The following CACNA1C variants were observed in gnomAD, a reference collection of about 807,000 sequenced individuals.
CACNA1C encodes the protein voltage-dependent L-type calcium channel subunit alpha-1C.
Under a neutral mutation model 229.0 loss-of-function variants are expected in CACNA1C, and 30 were observed. The ratio of observed to expected loss-of-function variants is 0.13; its 90% CI spans 0.10 to 0.18. The LOEUF is 0.18. Among genes scored for constraint, CACNA1C ranks in the 10% least tolerant of loss-of-function variants. The pLI is 1.00. For synonymous variants in CACNA1C, 1,114 were observed against 1,132.5 expected (o/e 0.98, Z 0.33); for missense variants, 1,658 against 2,845.0 (o/e 0.58, Z 9.49).
chr12:2,225,766 T>A (rs975831744), intron 3 of CACNA1C, among the ~76,000 whole-genome samples: 5 of 152,184 alleles, frequency 3.3e-5, no homozygotes, highest in Non-Finnish European at 7.3e-5. Flanking sequence ...TCATTCCTCT[T>A]GTGAATATTG....
chr12:2,206,454 C>T (rs1045802720), intron 3 of CACNA1C, among the ~76,000 whole-genome samples: 3 of 152,134 alleles, frequency 2.0e-5, no homozygotes, highest in Admixed American at 1.3e-4. Context: ...TAGATTTCAC[C>T]GCTGAGTAGT....
chr12:2,581,617 G>A lies in CACNA1C; in HGVS notation c.1923G>A (p.Val641=). ...ACTGGAACTCCTTGAGCAACCTGGT[G>A]GCATCCTTGCTGAACTCTGTGCGCT... The part of the protein sequence containing the change: ...TRYWNSLSNL[V]ASLLNSVRSI... The change falls in exon 14 of 47, where the codon GTG becomes GTA. Residue 641 remains valine, a synonymous_variant. Transcript: ENST00000399655. 6.4e-7 allele frequency: 1 copy of A among 1,574,288 alleles called. No individual in the cohort carries two copies. The highest frequency in any genetic ancestry group is 8.6e-7 in the Non-Finnish European group (1 of 1,159,140).
intron 3 of CACNA1C, among the ~76,000 whole-genome samples, chr12:2,280,229 A>C (rs372369527): frequency 1.0e-5 from 1 of 100,342 alleles, no homozygotes; most frequent in African/African-American, 5.5e-5. Context: ...GCTTCGGTTT[A>C]ACCTCTTGAG....
chr12:2,151,342 C>T (rs2095242948), intron 3 of CACNA1C, among the ~76,000 whole-genome samples: 1 of 147,690 alleles, frequency 6.8e-6, no homozygotes, highest in Non-Finnish European at 1.5e-5. Context: ...GTATATACCA[C>T]TGGCTGACCA....
At chr12:2,476,845 TG>T (rs2099632032) in intron 5 of CACNA1C, among the ~76,000 whole-genome samples, 1 of 152,186 alleles carries the variant, frequency 6.6e-6, no homozygotes. Context: ...AAATCTCTAA[TG>T]AATAAGGACA....
intron 3 of CACNA1C, among the ~76,000 whole-genome samples, chr12:2,122,139 T>A (rs887230269): frequency 2.0e-5 from 3 of 152,122 alleles, no homozygotes; most frequent in East Asian, 3.9e-4. Flanking sequence ...ACCCTGGACT[T>A]CTTCTGGAGC....
At position 2,384,938 on chromosome 12, in the gene CACNA1C, G is replaced by A. The variant is rs138878018; in HGVS notation, c.478-64038G>A. On this transcript the variant is annotated intron_variant, in intron 3 of 46. Transcript: ENST00000399655. ...TCTGTCCCATTCGGCTTTATTAGAC[G>A]CCATCTGGAAAGGGGCTGGGAGTGG... 3.0e-3 allele frequency among the ~76,000 whole-genome samples: 458 copies of A among 152,234 alleles called. 2 individuals carry two copies. The highest frequency in any genetic ancestry group is 0.01 in the African/African-American group (429 of 41,542).
chr12:2,280,472 G>C (rs1171917016), intron 3 of CACNA1C, among the ~76,000 whole-genome samples: 1 of 78,258 alleles, frequency 1.3e-5, no homozygotes, highest in East Asian at 2.7e-4. Flanking sequence ...GCTGTGCTTC[G>C]GTTTAACCTC....
At chr12:2,006,904 G>A (rs1010186676) in intron 1 of CACNA1C, among the ~76,000 whole-genome samples, 12 of 152,266 alleles carry the variant, frequency 7.9e-5, no homozygotes, top group African/African-American at 2.4e-4. Flanking sequence ...TTTGTAAATT[G>A]GTTTCATGAC....
At chr12:2,147,163 A>AG (rs369307709) in intron 3 of CACNA1C, among the ~76,000 whole-genome samples, 1 of 151,236 alleles carries the variant, frequency 6.6e-6, no homozygotes, top group African/African-American at 2.4e-5. Flanking sequence ...TCACTGAGAG[A>AG]GGGGGGGAAC....
At position 2,554,792 on chromosome 12, in the gene CACNA1C, A is replaced by G. The variant is rs551627137; in HGVS notation, c.1482-2159A>G. On this transcript the variant is annotated intron_variant, in intron 10 of 46. Coordinates refer to ENST00000399655, the MANE Select transcript of CACNA1C (RefSeq NM_000719.7). ...CACAGAGTTCTCACCTCAGCTCCCC[A>G]TGGGCATGGAGTTTTCCCTGGCCTC... 4.6e-5 allele frequency among the ~76,000 whole-genome samples: 7 copies of G among 152,320 alleles called. 1 individual carries two copies. Among genetic ancestry groups the G allele is most frequent in the South Asian group, 2.1e-4 (1 of 4,826 alleles).
chr12:2,116,968 A>G (rs1382377483), intron 2 of CACNA1C, among the ~76,000 whole-genome samples: 6 of 152,194 alleles, frequency 3.9e-5, no homozygotes, highest in Non-Finnish European at 7.3e-5. Flanking sequence ...TGAGACAGAA[A>G]TGTTCTATAA....
At chr12:2,312,162 G>A (rs768126467) in intron 3 of CACNA1C, among the ~76,000 whole-genome samples, 10 of 152,134 alleles carry the variant, frequency 6.6e-5, no homozygotes, top group African/African-American at 2.4e-4. Context: ...CACCCGCTCC[G>A]AGTTTGTTAG....
rs570335328 is a variant in CACNA1C, at chr12:2,565,761, G to T, written c.1509-661G>T. On this transcript the variant is annotated intron_variant, in intron 11 of 46. Transcript: ENST00000399655. ...GAAAGGCAGATCTAAACATTCATCAGATTCTGGAAAGATTCTATAACCCAG... is the reference window on the plus strand; with the variant it reads ...GAAAGGCAGATCTAAACATTCATCATATTCTGGAAAGATTCTATAACCCAG... 2.6e-5 allele frequency among the ~76,000 whole-genome samples: 4 copies of T among 152,352 alleles called. No homozygotes were observed. In the East Asian group the frequency reaches 5.8e-4, roughly 22 times the overall value.
rs2091065751 is a variant in CACNA1C at position 2,632,727 on chromosome 12, C to T, written c.3829-1570C>T. 6.6e-6 allele frequency among the ~76,000 whole-genome samples: 1 copy of T among 152,176 alleles called. No individual in the cohort carries two copies. The highest frequency in any genetic ancestry group is 2.4e-5 in the African/African-American group (1 of 41,430). ...CCTACCAGCCTATCCCTAGCAAACC[C>T]ATCCTCAGGAAACGCTTTGATCACC... On this transcript the variant is annotated intron_variant, in intron 29 of 46. Coordinates refer to ENST00000399655, the MANE Select transcript of CACNA1C (RefSeq NM_000719.7). This position sits in a 1 kb window ranked among gnomAD's most constrained non-coding sequence, Gnocchi z 4.1.
chr12:2,529,424 A>G lies in CACNA1C; in HGVS notation c.1390+16440A>G, dbSNP rs1396208653. On this transcript the variant is annotated intron_variant, in intron 9 of 46. Transcript: ENST00000399655. ...ACCGTCTGCTGGGTAGTACATCTTG[A>G]ATGTGGGGACTTTTGTATTACCAGA... 2.0e-5 allele frequency among the ~76,000 whole-genome samples: 3 copies of G among 152,132 alleles called. No individual in the cohort carries two copies. The East Asian group carries it at 5.8e-4, about 29-fold the overall frequency.
At chr12:2,202,642 G>A (rs2097620305) in intron 3 of CACNA1C, among the ~76,000 whole-genome samples, 1 of 152,160 alleles carries the variant, frequency 6.6e-6, no homozygotes, top group African/African-American at 2.4e-5. Flanking sequence ...CTCCTCGAAG[G>A]CAGCTCTGCC....
rs569979545 is a variant in CACNA1C at position 2,390,541 on chromosome 12, T to C, written c.478-58435T>C. 1.3e-3 allele frequency among the ~76,000 whole-genome samples: 191 copies of C among 152,350 alleles called. 1 individual carries two copies. Among genetic ancestry groups the C allele is most frequent in the African/African-American group, 4.5e-3 (186 of 41,576 alleles). Reference sequence around the variant, plus strand: ...TGCCATAATTCTGTGTGATAAGTTTTGATTTCAGTTTTGGTAAGTAATAGC... The same window carrying C: ...TGCCATAATTCTGTGTGATAAGTTTCGATTTCAGTTTTGGTAAGTAATAGC... On this transcript the variant is annotated intron_variant, in intron 3 of 46. Transcript: ENST00000399655.
chr12:2,323,806 C>T lies in CACNA1C; in HGVS notation c.478-125170C>T, dbSNP rs564698681. Among the ~76,000 whole-genome samples, 6 of 151,338 alleles carry T rather than the reference C, an allele frequency of 4.0e-5. No individual in the cohort carries two copies. In the East Asian group the frequency reaches 1.2e-3, roughly 29 times the overall value. On this transcript the variant is annotated intron_variant, in intron 3 of 46. Coordinates refer to ENST00000399655, the MANE Select transcript of CACNA1C (RefSeq NM_000719.7). The stretch of plus-strand genomic sequence containing the variant: ...GGCTGCGTAGGGCATTGTGGGAGTC[C>T]GTGCAGGGAGGAGCTTTTGGTGGGG...
Sources: gnomAD v4.1 joint callset for allele counts (sites outside exome capture counted in the v4.1 genomes callset) on GRCh38, gnomAD v4.1.1 for gene constraint, Gnocchi (gnomAD v3.1) non-coding constraint, MANE v1.5 for transcripts, NCBI Gene and HGNC (gene_info 2026-07-23, HGNC 2026-07-21) for gene names.